TMEM163: variants seen among roughly 807,000 people sequenced by gnomAD.
TMEM163 encodes the protein transmembrane protein 163.
TMEM163 carries 17 observed loss-of-function variants against 29.3 expected under a neutral mutation model. The ratio of observed to expected loss-of-function variants is 0.58; its 90% confidence interval spans 0.40 to 0.87. The LOEUF (loss-of-function observed/expected upper bound fraction) is 0.87. Among genes scored for constraint, TMEM163 ranks in the 40% least tolerant of loss-of-function variants. TMEM163 has a pLI of 0.00. For synonymous variants in TMEM163, 157 were observed against 160.6 expected, an observed-to-expected ratio of 0.98 and a Z score of 0.17; for missense variants, 303 against 381.5, an observed-to-expected ratio of 0.79 and a Z score of 1.71.
Position 134,581,635 on chromosome 2 carries a change from G to T in TMEM163, c.323-29544C>A, listed in dbSNP as rs556677928. 4.1e-5 allele frequency among the ~76,000 whole-genome samples: 3 copies of T among 73,190 alleles called. No individual in the cohort carries two copies. The Admixed American group carries it at 5.6e-4, about 14-fold the overall frequency. 48.0% of individuals were successfully genotyped at this position (73,190 alleles called of 152,430 possible). The stretch of plus-strand genomic sequence containing the variant: ...CATTCTTCATGCTCTTTATGGGGGC[G>T]GGGGGGAGATGAATTTTATGAGGTT... On this transcript the variant is annotated intron_variant, in intron 2 of 7. Coordinates refer to ENST00000281924, the MANE Select transcript of TMEM163 (RefSeq NM_030923.5).
intron 5 of TMEM163, among the ~76,000 whole-genome samples, chr2:134,502,344 T>A (rs1483006619): frequency 6.6e-6 from 1 of 152,032 alleles, no homozygotes; most frequent in African/African-American, 2.4e-5. Flanking sequence ...TCAGCACTCA[T>A]AAGGGGAGGG....
At chr2:134,514,682 A>G (rs968440762) in intron 4 of TMEM163, among the ~76,000 whole-genome samples, 5 of 152,122 alleles carry the variant, frequency 3.3e-5, no homozygotes, top group African/African-American at 4.8e-5. Context: ...TGCTCACATC[A>G]ATTGCTCTCA....
rs115589498 is a variant in TMEM163 at position 134,461,636 on chromosome 2, G to A, written c.668-3463C>T. ...CAGATCAGACCAGATTCACTGCACCGCACAGGGTGAAGTGGGGAAGTCTGG... is the reference window on the plus strand; with the variant it reads ...CAGATCAGACCAGATTCACTGCACCACACAGGGTGAAGTGGGGAAGTCTGG... On this transcript the variant is annotated intron_variant, in intron 6 of 7. Coordinates refer to ENST00000281924, the MANE Select transcript of TMEM163 (RefSeq NM_030923.5). Among the ~76,000 whole-genome samples the A allele has an allele frequency of 9.4e-3, 1,439 of 152,312 alleles. 13 individuals are homozygous for A. The highest frequency in any genetic ancestry group is 0.037 in the Middle Eastern group (11 of 294).
intron 2 of TMEM163, among the ~76,000 whole-genome samples, chr2:134,621,747 C>T (rs957985594): frequency 3.3e-5 from 5 of 151,798 alleles, no homozygotes; most frequent in African/African-American, 7.3e-5. Flanking sequence ...AAAAATTAGC[C>T]GGGCGTGGTG....
At chr2:134,538,962 T>G (rs1680601481) in intron 4 of TMEM163, among the ~76,000 whole-genome samples, 1 of 152,152 alleles carries the variant, frequency 6.6e-6, no homozygotes, top group Non-Finnish European at 1.5e-5. Context: ...ACCGTACTCT[T>G]TAATGGGGTG....
chr2:134,469,290 T>G (rs1170083169), intron 5 of TMEM163: 1 of 152,080 alleles, frequency 6.6e-6, no homozygotes, highest in Non-Finnish European at 1.5e-5. Flanking sequence ...GAGGTCCAGC[T>G]CCTGGAGGAC....
chr2:134,497,977 C>A (rs768207074), intron 5 of TMEM163, among the ~76,000 whole-genome samples: 26 of 152,200 alleles, frequency 1.7e-4, no homozygotes, highest in Non-Finnish European at 2.6e-4. Context: ...TTTGGGGCAA[C>A]CTTGATTAGC....
intron 4 of TMEM163, among the ~76,000 whole-genome samples, chr2:134,517,613 C>T (rs1680103421): frequency 6.6e-6 from 1 of 152,092 alleles, no homozygotes; most frequent in African/African-American, 2.4e-5. Flanking sequence ...GAAGCAGAGC[C>T]CAGGAGTTCT....
At chr2:134,534,963 A>G (rs1680500495) in intron 4 of TMEM163, among the ~76,000 whole-genome samples, 1 of 152,150 alleles carries the variant, frequency 6.6e-6, no homozygotes, top group Non-Finnish European at 1.5e-5. Flanking sequence ...GCACTGAGAT[A>G]CAGGGGCCTG....
At chr2:134,471,968 G>A (rs1239141967) in intron 5 of TMEM163, among the ~76,000 whole-genome samples, 1 of 152,132 alleles carries the variant, frequency 6.6e-6, no homozygotes, top group Non-Finnish European at 1.5e-5. Context: ...TTCCTTGCTG[G>A]GCATTCAGTT....
chr2:134,581,240 C>T (rs1681684418), intron 2 of TMEM163, among the ~76,000 whole-genome samples: 2 of 152,092 alleles, frequency 1.3e-5, no homozygotes, highest in Non-Finnish European at 1.5e-5. Flanking sequence ...TTAAACCAAG[C>T]TTCTATCACC....
chr2:134,573,514 GC>G (rs1454530738), intron 2 of TMEM163, among the ~76,000 whole-genome samples: 3 of 152,144 alleles, frequency 2.0e-5, no homozygotes, highest in African/African-American at 7.2e-5. Flanking sequence ...CTGCTAAACA[GC>G]CTACAAGGTA....
At chr2:134,516,803 G>A (rs971656130) in intron 4 of TMEM163, among the ~76,000 whole-genome samples, 2 of 40,386 alleles carry the variant, frequency 5.0e-5, no homozygotes, top group African/African-American at 4.0e-4. Flanking sequence ...ATGTATGTAT[G>A]AAAGGTAAGG....
At chr2:134,459,546 C>T (rs1686484665) in intron 6 of TMEM163, among the ~76,000 whole-genome samples, 1 of 141,762 alleles carries the variant, frequency 7.1e-6, no homozygotes, top group Non-Finnish European at 1.6e-5. Flanking sequence ...ACTCTTCTTC[C>T]ACCCCACGCC....
At chr2:134,591,770 G>C (rs371250948) in intron 2 of TMEM163, among the ~76,000 whole-genome samples, 9 of 152,040 alleles carry the variant, frequency 5.9e-5, no homozygotes, top group African/African-American at 2.2e-4. Flanking sequence ...CCAACCACCC[G>C]TCAAATGCCA....
At chr2:134,623,873 G>A (rs774878235) in intron 2 of TMEM163, among the ~76,000 whole-genome samples, 4 of 152,134 alleles carry the variant, frequency 2.6e-5, no homozygotes, top group Admixed American at 6.5e-5. Context: ...CTCTGACCCC[G>A]AATTTAGTAC....
chr2:134,538,044 G>C (rs953210436), intron 4 of TMEM163, among the ~76,000 whole-genome samples: 2 of 152,214 alleles, frequency 1.3e-5, no homozygotes, highest in Admixed American at 6.5e-5. Context: ...TTTGGAAAAC[G>C]TTTCGGCAAT....
intron 4 of TMEM163, among the ~76,000 whole-genome samples, chr2:134,512,456 C>G (rs1435109013): frequency 1.3e-5 from 2 of 152,022 alleles, no homozygotes; most frequent in African/African-American, 4.8e-5. Context: ...AAGGCTCTGT[C>G]TCAAAAAAAT....
chr2:134,631,599 G>C (rs995736396), intron 2 of TMEM163, among the ~76,000 whole-genome samples: 1 of 152,216 alleles, frequency 6.6e-6, no homozygotes, highest in African/African-American at 2.4e-5. Context: ...CAATGCCAGA[G>C]CACTGAGTTA....
Sources: allele counts gnomAD v4.1 joint callset (sites outside exome capture counted in the v4.1 genomes callset), GRCh38; gene constraint gnomAD v4.1.1; transcripts MANE v1.5; gene names NCBI Gene and HGNC (gene_info 2026-07-23, HGNC 2026-07-21).